Variants in MACROD2 observed in about 807,000 individuals in gnomAD.
MACROD2 encodes ADP-ribose glycohydrolase MACROD2.
A neutral mutation model predicts 70.4 loss-of-function variants in MACROD2; 36 were observed. That is an observed-to-expected ratio of 0.51 (90% CI 0.39 to 0.68). The LOEUF (loss-of-function observed/expected upper bound fraction) is 0.68, where lower values mean the gene tolerates loss of function less well. Among genes scored for constraint, MACROD2 ranks in the 30% least tolerant of loss-of-function variants. The probability of loss-of-function intolerance (pLI) is 0.00; values close to 1 mark genes in which losing one functional copy is unlikely to be tolerated. For missense variants in MACROD2, 496 were observed against 538.4 expected (o/e 0.92, Z 0.78); for synonymous variants, 172 against 178.8 (o/e 0.96, Z 0.30).
intron 3 of MACROD2, among the ~76,000 whole-genome samples, chr20:14,158,603 G>A (rs965375858): frequency 7.2e-5 from 11 of 152,146 alleles, no homozygotes; most frequent in African/African-American, 2.4e-4. Flanking sequence ...AGAGATAGGG[G>A]TCCAGTTTCA....
intron 8 of MACROD2, among the ~76,000 whole-genome samples, chr20:15,509,487 G>T (rs2047471444): frequency 6.6e-6 from 1 of 152,160 alleles, no homozygotes; most frequent in African/African-American, 2.4e-5. Flanking sequence ...CTAGGGTTGG[G>T]ATTGGTATAT....
At chr20:15,277,416 T>C (rs1459577074) in intron 6 of MACROD2, among the ~76,000 whole-genome samples, 1 of 152,182 alleles carries the variant, frequency 6.6e-6, no homozygotes, top group African/African-American at 2.4e-5. Flanking sequence ...CCTTGAATAA[T>C]GTAGGGGATG....
intron 5 of MACROD2, among the ~76,000 whole-genome samples, chr20:14,785,890 A>G (rs986117073): frequency 6.6e-6 from 1 of 152,014 alleles, no homozygotes; most frequent in African/African-American, 2.4e-5. Flanking sequence ...TTCCAGGAAG[A>G]AAAAAGGGGG....
At chr20:15,359,654 C>T (rs1219845779) in intron 6 of MACROD2, among the ~76,000 whole-genome samples, 2 of 151,808 alleles carry the variant, frequency 1.3e-5, no homozygotes, top group East Asian at 3.9e-4. Flanking sequence ...TGGTATATAT[C>T]TATCATCTCT....
intron 6 of MACROD2, among the ~76,000 whole-genome samples, chr20:15,336,303 T>G (rs1332282968): frequency 6.6e-6 from 1 of 150,706 alleles, no homozygotes; most frequent in Non-Finnish European, 1.5e-5. Context: ...GATGGTATGA[T>G]TAGAAGTAAG....
intron 6 of MACROD2, among the ~76,000 whole-genome samples, chr20:15,266,863 C>T (rs568700435): frequency 9.0e-4 from 137 of 152,288 alleles, no homozygotes; most frequent in African/African-American, 3.1e-3. Flanking sequence ...ACTCTGCTTC[C>T]GTTTCTATGC....
At chr20:14,347,969 G>A (rs2083080673) in intron 3 of MACROD2, among the ~76,000 whole-genome samples, 1 of 152,064 alleles carries the variant, frequency 6.6e-6, no homozygotes, top group South Asian at 2.1e-4. Context: ...CAGAACAAAT[G>A]TATAGGTATA....
At chr20:14,924,264 C>T (rs1036028186) in intron 5 of MACROD2, among the ~76,000 whole-genome samples, 1 of 151,156 alleles carries the variant, frequency 6.6e-6, no homozygotes, top group Non-Finnish European at 1.5e-5. Context: ...CCTGGCCAAA[C>T]ATTGTCTCTA....
intron 8 of MACROD2, among the ~76,000 whole-genome samples, chr20:15,794,941 A>C (rs983110548): frequency 6.6e-6 from 1 of 152,156 alleles, no homozygotes; most frequent in African/African-American, 2.4e-5. Flanking sequence ...AATGTTGAAT[A>C]AGTAATTAAT....
chr20:15,737,003 G>A (rs16996440), intron 8 of MACROD2, among the ~76,000 whole-genome samples: 7,941 of 152,244 alleles, frequency 0.052, 199 homozygotes, highest in Admixed American at 0.077. Flanking sequence ...TAATAATCCA[G>A]ACCAGCATGA....
intron 5 of MACROD2, among the ~76,000 whole-genome samples, chr20:14,780,058 C>G (rs888677311): frequency 4.6e-5 from 7 of 152,144 alleles, no homozygotes; most frequent in African/African-American, 1.7e-4. Context: ...TCTTTCAATG[C>G]CACACTTAAA....
intron 3 of MACROD2, among the ~76,000 whole-genome samples, chr20:14,425,638 T>A (rs992378103): frequency 1.3e-5 from 2 of 152,226 alleles, no homozygotes; most frequent in Non-Finnish European, 2.9e-5. Context: ...TTTTTGTCTT[T>A]CTGAAGAGGA....
intron 5 of MACROD2, among the ~76,000 whole-genome samples, chr20:14,891,350 A>T (rs1050804895): frequency 4.6e-5 from 7 of 152,280 alleles, no homozygotes; most frequent in African/African-American, 1.4e-4. Context: ...ACTGAATATG[A>T]GGAAAAAAGT....
intron 3 of MACROD2, among the ~76,000 whole-genome samples, chr20:14,249,793 C>G (rs2081995909): frequency 6.6e-6 from 1 of 151,850 alleles, no homozygotes; most frequent in Non-Finnish European, 1.5e-5. Context: ...CTTTCTGGAG[C>G]CATACAATAT....
At chr20:16,008,390 T>C (rs1172787381) in intron 15 of MACROD2, among the ~76,000 whole-genome samples, 1 of 152,262 alleles carries the variant, frequency 6.6e-6, no homozygotes, top group Non-Finnish European at 1.5e-5. Flanking sequence ...TACCTTCATT[T>C]GTCTGATTCA....
chr20:15,811,381 C>T (rs1022779420), intron 8 of MACROD2, among the ~76,000 whole-genome samples: 10 of 152,014 alleles, frequency 6.6e-5, no homozygotes, highest in Non-Finnish European at 1.0e-4. Flanking sequence ...ATCAAAACCA[C>T]AATGAGATAC....
At chr20:14,567,098 C>T (rs543873243) in intron 4 of MACROD2, among the ~76,000 whole-genome samples, 4 of 152,062 alleles carry the variant, frequency 2.6e-5, no homozygotes, top group African/African-American at 9.6e-5. Context: ...GCTAGGACTA[C>T]AGGTGTGTGC....
chr20:14,366,995 A>G (rs1425981900), intron 3 of MACROD2, among the ~76,000 whole-genome samples: 1 of 152,052 alleles, frequency 6.6e-6, no homozygotes, highest in Non-Finnish European at 1.5e-5. Flanking sequence ...CTCTACTGCC[A>G]TATTTTGTGT....
At chr20:15,075,946 A>G (rs1321189663) in intron 5 of MACROD2, among the ~76,000 whole-genome samples, 1 of 152,160 alleles carries the variant, frequency 6.6e-6, no homozygotes, top group Non-Finnish European at 1.5e-5. Context: ...AATATGTTAT[A>G]AAAGAGAATT....
Sources: allele counts gnomAD v4.1 joint callset (sites outside exome capture counted in the v4.1 genomes callset), GRCh38; gene constraint gnomAD v4.1.1; transcripts MANE v1.5; gene names NCBI Gene and HGNC (gene_info 2026-07-23, HGNC 2026-07-21).